Variants in KLHL15 observed in about 807,000 individuals in gnomAD.
KLHL15 encodes the protein kelch like family member 15, also known as kelch-like protein 15.
In KLHL15, 1 loss-of-function variant was observed where a neutral mutation model predicts 29.3. The observed-to-expected ratio is 0.03, with a 90% CI of 0.01 to 0.16. KLHL15 has a LOEUF of 0.16. Among genes scored for constraint, KLHL15 ranks in the 10% least tolerant of loss-of-function variants. KLHL15 has a pLI of 1.00. For missense variants in KLHL15, 215 were observed against 478.5 expected (o/e 0.45, Z 5.14); for synonymous variants, 212 against 184.5 (o/e 1.15, Z -1.21).
chrX:24,016,339 C>CAAAAAAAAA (rs755683770), intron 2 of KLHL15, among the ~76,000 whole-genome samples: 1 of 21,691 alleles, frequency 4.6e-5, no homozygotes, highest in African/African-American at 1.4e-4. Context: ...GACTCTGTCT[C>CAAAAAAAAA]AAAAAAAAAA....
intron 3 of KLHL15, 84 bp downstream of exon 3, chrX:24,005,902 CTCT>C: frequency 3.0e-6 from 2 of 660,424 alleles, no homozygotes; most frequent in Non-Finnish European, 4.6e-6. Context: ...TCATTCTTGG[CTCT>C]TAAGTCTGTG....
In KLHL15 at chrX:24,001,535, G is replaced by A. The variant is rs1410138112; in HGVS notation, c.705+4454C>T. Among the ~76,000 whole-genome samples the A allele has an allele frequency of 2.7e-5, 3 of 110,995 alleles. 1 individual carries two copies. Among genetic ancestry groups the A allele is most frequent in the Non-Finnish European group, 1.9e-5 (1 of 53,063 alleles). On this transcript the variant is annotated intron_variant, in intron 3 of 3. Transcript: ENST00000328046. ...AAGTCAAGCATAGGCTGGGCGTGGT[G>A]GCTCAAGCCTGTAATCCCAGCACTT...
At chrX:24,019,696 C>T (rs951365791) in intron 2 of KLHL15, among the ~76,000 whole-genome samples, 1 of 111,632 alleles carries the variant, frequency 9.0e-6, no homozygotes, top group African/African-American at 3.3e-5. Flanking sequence ...CCTCTTCCTA[C>T]CTCTGCCCTG....
intron 2 of KLHL15, among the ~76,000 whole-genome samples, chrX:24,015,216 T>C (rs960152219): frequency 1.8e-5 from 2 of 112,465 alleles, no homozygotes; most frequent in Non-Finnish European, 3.8e-5. Context: ...TCTCTCTGCA[T>C]CTGTAAAAAC....
chrX:23,988,006 C>T lies in KLHL15; in HGVS notation c.1730G>A (p.Arg577Gln), dbSNP rs765298160. Residue 577 changes from arginine to glutamine, a missense_variant, in exon 4 of 4, where the codon CGG (arginine) becomes CAG (glutamine). By Grantham distance (43) the Arg-to-Gln change is conservative. Transcript: ENST00000328046. ...ENKWKEDEYP[R>Q]MPCKLDGLQV... is the part of the protein sequence containing the mutation. ...TAAACCATCCAGCTTGCAGGGCATCCGAGGGTACTCATCTTCCTTCCACTT... is the reference window on the plus strand; with the variant it reads ...TAAACCATCCAGCTTGCAGGGCATCTGAGGGTACTCATCTTCCTTCCACTT... The T allele has an allele frequency of 1.2e-5, 14 of 1,208,936 alleles. No homozygotes were observed. Among genetic ancestry groups the T allele is most frequent in the Non-Finnish European group, 1.6e-5 (14 of 894,524 alleles).
At chrX:24,010,787 C>T (rs955473562) in intron 2 of KLHL15, among the ~76,000 whole-genome samples, 1 of 111,000 alleles carries the variant, frequency 9.0e-6, no homozygotes, top group African/African-American at 3.3e-5. Flanking sequence ...GCGGACACTA[C>T]AGTCAACTGC....
chrX:23,994,710 G>C (rs898321347), intron 3 of KLHL15, among the ~76,000 whole-genome samples: 7 of 111,828 alleles, frequency 6.3e-5, no homozygotes, highest in Non-Finnish European at 1.1e-4. Flanking sequence ...TTAAAGCTTG[G>C]AAAGAATGTT....
intron 3 of KLHL15, among the ~76,000 whole-genome samples, chrX:23,997,730 C>CA (rs59857010): frequency 0.11 from 2,537 of 23,629 alleles, 221 homozygotes; most frequent in Non-Finnish European, 0.16. Flanking sequence ...GACTCTGTCT[C>CA]AAAAAAAAAA....
chrX:24,004,544 G>C (rs1347069090), intron 3 of KLHL15, among the ~76,000 whole-genome samples: 4 of 111,678 alleles, frequency 3.6e-5, no homozygotes, highest in African/African-American at 1.3e-4. Context: ...TGTAATCCCA[G>C]CACTTTGGGA....
chrX:23,985,892 T>G lies in KLHL15; in HGVS notation c.*2029A>C, dbSNP rs1333325200. On this transcript the variant is annotated 3_prime_UTR_variant, in exon 4 of 4. Coordinates refer to ENST00000328046, the MANE Select transcript of KLHL15 (RefSeq NM_030624.3). ...GCCACTAAACTAATGTAGAAAAAAA[T>G]TAAATGGCTAACTTATTCCTAACTT... The G allele has an allele frequency of 9.1e-6, 1 of 110,309 alleles. No homozygotes were observed. Among genetic ancestry groups the G allele is most frequent in the Non-Finnish European group, 1.9e-5 (1 of 52,813 alleles). 9.1% of individuals were successfully genotyped at this position (110,309 alleles called of 1,213,427 possible). A position where few individuals can be genotyped will look rare whatever the true frequency, so the allele number is the denominator to read the frequency against.
At chrX:23,997,480 G>A (rs1472617895) in intron 3 of KLHL15, among the ~76,000 whole-genome samples, 1 of 109,784 alleles carries the variant, frequency 9.1e-6, no homozygotes, top group Admixed American at 9.8e-5. Context: ...GCTCACGCCT[G>A]TAGACTTAGC....
At position 23,988,617 on chromosome X, in the gene KLHL15, A is replaced by G; in HGVS notation, c.1119T>C (p.Ala373=). The G allele has an allele frequency of 8.3e-7, 1 of 1,211,501 alleles. No individual in the cohort carries two copies. The part of the protein sequence containing the change: ...ADMSVPRSEF[A]VGVIGKFIYA... ...AAATAAACTTCCCAATAACACCTACAGCAAATTCAGAGCGTGGTACAGACA... is the reference window on the plus strand; with the variant it reads ...AAATAAACTTCCCAATAACACCTACGGCAAATTCAGAGCGTGGTACAGACA... The change falls in exon 4 of 4, where the codon GCT becomes GCC. Residue 373 remains alanine, a synonymous_variant. Coordinates refer to ENST00000328046, the MANE Select transcript of KLHL15 (RefSeq NM_030624.3).
rs984551404 is a variant in KLHL15 at position 23,986,932 on chromosome X, T to G, written c.*989A>C. On this transcript the variant is annotated 3_prime_UTR_variant, in exon 4 of 4. Coordinates refer to ENST00000328046, the MANE Select transcript of KLHL15 (RefSeq NM_030624.3). The stretch of plus-strand genomic sequence containing the variant: ...TGCTTGCATGCTGCAGGGCCAGAAC[T>G]TGTCATATACCACTCCGATTCTCAC... 7.1e-5 allele frequency: 8 copies of G among 111,955 alleles called. No individual in the cohort carries two copies. The highest frequency in any genetic ancestry group is 2.6e-4 in the African/African-American group (8 of 30,837). 9.2% of individuals were successfully genotyped at this position (111,955 alleles called of 1,213,427 possible).
At chrX:23,992,461 CTG>C (rs1929105426) in intron 3 of KLHL15, among the ~76,000 whole-genome samples, 1 of 112,011 alleles carries the variant, frequency 8.9e-6, no homozygotes, top group Non-Finnish European at 1.9e-5. Flanking sequence ...ATGAGAGAAA[CTG>C]TTATTTTGGA....
At position 23,988,181 on chromosome X, in the gene KLHL15, T is replaced by A; in HGVS notation, c.1555A>T (p.Thr519Ser). The stretch of plus-strand genomic sequence containing the variant: ...GATGCCAAGATGGTCCACTGATCAG[T>A]CTCTGGGTTGTATACTTCTGTAGAA... ...CPSTEVYNPETDQWTILASMP... is the reference protein window; with the variant it reads ...CPSTEVYNPESDQWTILASMP... Residue 519 changes from threonine to serine, a missense_variant, in exon 4 of 4, where the codon ACT becomes TCT. Thr to Ser is a moderately conservative substitution (Grantham distance 58). Coordinates refer to ENST00000328046, the MANE Select transcript of KLHL15 (RefSeq NM_030624.3). 1 of 1,211,819 alleles carries A rather than the reference T, an allele frequency of 8.3e-7. No individual in the cohort carries two copies. Among genetic ancestry groups the A allele is most frequent in the Non-Finnish European group, 1.1e-6 (1 of 895,488 alleles).
At chrX:24,016,839 T>G (rs148095571) in intron 2 of KLHL15, among the ~76,000 whole-genome samples, 1 of 111,034 alleles carries the variant, frequency 9.0e-6, no homozygotes, top group African/African-American at 3.3e-5. Context: ...GCCAAAATAG[T>G]AAGCCTGATC....
chrX:24,020,371 A>T (rs767547780), intron 2 of KLHL15, among the ~76,000 whole-genome samples: 56 of 112,338 alleles, frequency 5.0e-4, no homozygotes, highest in African/African-American at 1.8e-3. Flanking sequence ...AACTCACTTT[A>T]ATATGGGAGG....
chrX:24,015,020 G>A (rs1280964327), intron 2 of KLHL15, among the ~76,000 whole-genome samples: 1 of 111,921 alleles, frequency 8.9e-6, no homozygotes, highest in Admixed American at 9.5e-5. Context: ...GCTCCTGAAC[G>A]CCTCGTTCTC....
intron 2 of KLHL15, among the ~76,000 whole-genome samples, chrX:24,022,986 C>T (rs950100965): frequency 3.6e-5 from 4 of 111,485 alleles, no homozygotes; most frequent in African/African-American, 1.3e-4. Flanking sequence ...CCGCCCGCCT[C>T]GGCCTCCCAA....
Sources: gnomAD v4.1 joint callset for allele counts (sites outside exome capture counted in the v4.1 genomes callset) on GRCh38, gnomAD v4.1.1 for gene constraint, MANE v1.5 for transcripts, NCBI Gene and HGNC (gene_info 2026-07-23, HGNC 2026-07-21) for gene names.